The following STAG1 variants were observed in gnomAD, a reference collection of about 807,000 sequenced individuals.
STAG1 encodes the protein cohesin subunit SA-1.
Under a neutral mutation model 170.9 loss-of-function variants are expected in STAG1, and 26 were observed. That is an observed-to-expected ratio of 0.15 (90% CI 0.11 to 0.21). The LOEUF is 0.21. Ranked by LOEUF, STAG1 falls within the 10% of genes least tolerant of loss-of-function variation. STAG1 has a pLI of 1.00. For synonymous variants in STAG1, 514 were observed against 497.7 expected (o/e 1.03, Z -0.44); for missense variants, 964 against 1,509.5 (o/e 0.64, Z 5.99).
chr3:136,501,427 A>T (rs189825642), intron 8 of STAG1, among the ~76,000 whole-genome samples: 1 of 152,304 alleles, frequency 6.6e-6, no homozygotes, highest in Admixed American at 6.5e-5. Flanking sequence ...GAGGACCCTA[A>T]TCCAATATGA....
chr3:136,465,086 CTT>C, intron 12 of STAG1, 98 bp from the exon 13 acceptor site: 1 of 767,178 alleles, frequency 1.3e-6, no homozygotes, highest in East Asian at 3.0e-5. Context: ...AAGCTCAAGA[CTT>C]AATAATTGTT....
At chr3:136,735,372 T>C (rs1318633408) in intron 1 of STAG1, among the ~76,000 whole-genome samples, 1 of 152,136 alleles carries the variant, frequency 6.6e-6, no homozygotes, top group Non-Finnish European at 1.5e-5. Context: ...GCAATCCTCC[T>C]GCCTTGGCCT....
rs140812084 is a variant in STAG1 at position 136,698,931 on chromosome 3, A to C, written c.-84+53264T>G. On this transcript the variant is annotated intron_variant, in intron 1 of 33. Transcript: ENST00000383202. ...TTCACAGCTACTTGGATGGAGGTAG[A>C]GGCCATTGTTCTAAGTGAAGTAACT... is the stretch of plus-strand genomic sequence containing the variant. 1.6e-3 allele frequency among the ~76,000 whole-genome samples: 248 copies of C among 152,338 alleles called. 4 individuals are homozygous for C. In the East Asian group the frequency reaches 0.026, roughly 16 times the overall value.
intron 1 of STAG1, among the ~76,000 whole-genome samples, chr3:136,744,094 G>A (rs1378294443): frequency 6.6e-6 from 1 of 152,232 alleles, no homozygotes; most frequent in Non-Finnish European, 1.5e-5. Context: ...TTGGGAGGCT[G>A]AGGCAGGCAG....
chr3:136,726,228 C>T (rs1933680009), intron 1 of STAG1, among the ~76,000 whole-genome samples: 1 of 152,214 alleles, frequency 6.6e-6, no homozygotes, highest in Non-Finnish European at 1.5e-5. Flanking sequence ...TCTCTATCCA[C>T]TGATGCCAGT....
intron 7 of STAG1, among the ~76,000 whole-genome samples, chr3:136,507,079 T>C (rs907265485): frequency 2.6e-5 from 4 of 152,226 alleles, no homozygotes; most frequent in African/African-American, 7.2e-5. Flanking sequence ...CTATTATTAG[T>C]TCCTTTTCAC....
rs998309214 is a variant in STAG1, at chr3:136,698,409, A to G, written c.-84+53786T>C. 2.0e-5 allele frequency among the ~76,000 whole-genome samples: 3 copies of G among 152,216 alleles called. No homozygotes were observed. In the East Asian group the frequency reaches 5.8e-4, roughly 29 times the overall value. On this transcript the variant is annotated intron_variant, in intron 1 of 33. Coordinates refer to ENST00000383202, the MANE Select transcript of STAG1 (RefSeq NM_005862.3). ...GAAAAAATGCTCAACATCACTAATC[A>G]TCAGGGAAATGCAAATTAAAACCAC...
intron 6 of STAG1, among the ~76,000 whole-genome samples, chr3:136,535,761 C>T (rs1935589688): frequency 6.6e-6 from 1 of 152,004 alleles, no homozygotes; most frequent in South Asian, 2.1e-4. Flanking sequence ...TAAGAGATAC[C>T]CCAAATACCC....
At chr3:136,616,696 G>A (rs188094905) in intron 3 of STAG1, among the ~76,000 whole-genome samples, 3 of 152,172 alleles carry the variant, frequency 2.0e-5, no homozygotes, top group Admixed American at 6.6e-5. Context: ...TGCTTGAGCC[G>A]AGGAGTTTGA....
intron 4 of STAG1, among the ~76,000 whole-genome samples, chr3:136,572,754 T>C (rs1232577869): frequency 6.6e-6 from 1 of 152,232 alleles, no homozygotes; most frequent in Admixed American, 6.5e-5. Flanking sequence ...GACGTTTCAA[T>C]TTTAGAGGGG....
At chr3:136,477,210 C>G (rs2089775185) in intron 10 of STAG1, 79 bp downstream of exon 10, 2 of 1,445,430 alleles carry the variant, frequency 1.4e-6, no homozygotes, top group East Asian at 2.4e-5. Context: ...GAAAAATCAA[C>G]TACTGTCATT....
intron 21 of STAG1, among the ~76,000 whole-genome samples, chr3:136,407,538 T>C (rs1036913123): frequency 1.3e-5 from 2 of 152,062 alleles, no homozygotes; most frequent in Non-Finnish European, 2.9e-5. Context: ...CTTGGCTCAC[T>C]GCAACCTCTG....
chr3:136,383,431 T>G (rs1027227085), intron 22 of STAG1, among the ~76,000 whole-genome samples: 2 of 152,234 alleles, frequency 1.3e-5, no homozygotes, highest in Admixed American at 6.5e-5. Flanking sequence ...ATTCCTCATA[T>G]TATGGATACT....
rs113614502 is a variant in STAG1, at chr3:136,437,126, C to T, written c.1547-3467G>A. Among the ~76,000 whole-genome samples, 1,173 of 152,258 alleles carry T rather than the reference C, an allele frequency of 7.7e-3. 14 individuals are homozygous for T. The highest frequency in any genetic ancestry group is 0.025 in the African/African-American group (1,038 of 41,544). Reference sequence around the variant, plus strand: ...TATTTAGGAAGAAAACACAGTCTTACGGAAAGTGAGGAAGGACAGAACAAC... The same window carrying T: ...TATTTAGGAAGAAAACACAGTCTTATGGAAAGTGAGGAAGGACAGAACAAC... On this transcript the variant is annotated intron_variant, in intron 15 of 33. Transcript: ENST00000383202.
intron 1 of STAG1, among the ~76,000 whole-genome samples, chr3:136,649,888 C>T (rs1023484159): frequency 9.2e-5 from 14 of 151,880 alleles, no homozygotes; most frequent in Admixed American, 7.9e-4. Flanking sequence ...CTGTCTCAGC[C>T]TCCTGAGTAG....
intron 1 of STAG1, among the ~76,000 whole-genome samples, chr3:136,702,075 A>AAGAGAGAGAGAGAGAGAGAG (rs745623191): frequency 2.7e-4 from 25 of 92,198 alleles, no homozygotes; most frequent in East Asian, 6.4e-4. Flanking sequence ...ACCATGCCGA[A>AAGAGAGAGAGAGAGAGAGAG]AGAGAGAGAG....
At chr3:136,720,059 C>A (rs188994054) in intron 1 of STAG1, among the ~76,000 whole-genome samples, 2 of 151,756 alleles carry the variant, frequency 1.3e-5, no homozygotes, top group African/African-American at 4.8e-5. Context: ...ACTTGTAATC[C>A]CAGCTACTCG....
At chr3:136,551,957 T>C (rs1936426051) in intron 5 of STAG1, among the ~76,000 whole-genome samples, 1 of 152,142 alleles carries the variant, frequency 6.6e-6, no homozygotes, top group Non-Finnish European at 1.5e-5. Flanking sequence ...TTGAAAAATA[T>C]TAAGGCAAAA....
At chr3:136,708,465 G>A (rs997040505) in intron 1 of STAG1, among the ~76,000 whole-genome samples, 1 of 151,986 alleles carries the variant, frequency 6.6e-6, no homozygotes, top group Non-Finnish European at 1.5e-5. Context: ...GGGGGGGAGG[G>A]TGTCAAGGAA....
Sources: allele counts gnomAD v4.1 joint callset (sites outside exome capture counted in the v4.1 genomes callset), GRCh38; gene constraint gnomAD v4.1.1; transcripts MANE v1.5; gene names NCBI Gene and HGNC (gene_info 2026-07-23, HGNC 2026-07-21).